Variants in OCA2 observed in about 807,000 individuals in gnomAD.
OCA2 encodes P protein.
A neutral mutation model predicts 100.2 loss-of-function variants in OCA2; 77 were observed. The observed-to-expected ratio is 0.77, with a 90% confidence interval of 0.64 to 0.93. The LOEUF is 0.93. OCA2 is among the 40% of genes least tolerant of loss of function. OCA2 has a pLI of 0.00. For missense variants in OCA2, 1,062 were observed against 1,089.1 expected, an observed-to-expected ratio of 0.98 and a Z score of 0.35; for synonymous variants, 432 against 439.2, an observed-to-expected ratio of 0.98 and a Z score of 0.21.
chr15:27,943,408 C>A (rs1426312957), intron 18 of OCA2, among the ~76,000 whole-genome samples: 1 of 152,100 alleles, frequency 6.6e-6, no homozygotes, highest in Non-Finnish European at 1.5e-5. Flanking sequence ...GTATTTTACC[C>A]CAAAATACGC....
chr15:27,868,437 G>A (rs936886733), intron 21 of OCA2, among the ~76,000 whole-genome samples: 10 of 152,170 alleles, frequency 6.6e-5, no homozygotes, highest in African/African-American at 1.9e-4. Context: ...GAACGCAGAC[G>A]GCATTATGCT....
chr15:27,956,211 G>A (rs1204899779), intron 16 of OCA2, among the ~76,000 whole-genome samples: 11 of 151,946 alleles, frequency 7.2e-5, no homozygotes, highest in African/African-American at 2.4e-5. Context: ...TAGCCAGGAG[G>A]GTTGGTACAT....
chr15:28,005,037 CTG>C (rs2042049366), intron 9 of OCA2, among the ~76,000 whole-genome samples: 1 of 152,158 alleles, frequency 6.6e-6, no homozygotes, highest in African/African-American at 2.4e-5. Flanking sequence ...GTGACAGAAA[CTG>C]TGTGCCGGCC....
rs1404927443 is a variant in OCA2, at chr15:28,027,876, C to A, written c.510G>T (p.Lys170Asn). The A allele has an allele frequency of 6.2e-7, 1 of 1,612,854 alleles. No individual in the cohort carries two copies. ...GGCACCCCAAGTCCGCCTACCTCAGCTTGGAAAGACGGAGTCGGATGTGCG... is the reference window on the plus strand; with the variant it reads ...GGCACCCCAAGTCCGCCTACCTCAGATTGGAAAGACGGAGTCGGATGTGCG... ...DSPHIRLRLS[K>N]LRRCVQWLKV... The change falls in exon 4 of 24, where the codon AAG becomes AAT. Residue 170 changes from lysine (K) to asparagine (N), a missense_variant. Transcript: ENST00000354638.
chr15:27,746,923 C>T, the OCA2 span, among the ~76,000 whole-genome samples: 85 of 152,330 alleles, frequency 5.6e-4, no homozygotes, highest in African/African-American at 2.0e-3. Context: ...GCTCATGCTA[C>T]AGACCTCCTG....
intron 23 of OCA2, among the ~76,000 whole-genome samples, chr15:27,768,325 T>C (rs2151020505): frequency 6.6e-6 from 1 of 152,306 alleles, no homozygotes; most frequent in South Asian, 2.1e-4. Context: ...TGCAAAATTA[T>C]CAGGTCCAGA....
chr15:27,844,367 G>A (rs763875291), intron 23 of OCA2, among the ~76,000 whole-genome samples: 3 of 152,230 alleles, frequency 2.0e-5, no homozygotes, highest in Non-Finnish European at 4.4e-5. Context: ...TTCGTGGACA[G>A]TCAGGGCACA....
chr15:27,910,838 C>T (rs771245940), intron 19 of OCA2, among the ~76,000 whole-genome samples: 7 of 151,950 alleles, frequency 4.6e-5, no homozygotes, highest in Admixed American at 2.6e-4. Context: ...CATCTGTAGT[C>T]CCAGCTACTC....
Position 27,847,145 on chromosome 15 carries a change from G to A in OCA2, c.2339-2093C>T, listed in dbSNP as rs146248863. On this transcript the variant is annotated intron_variant, in intron 22 of 23. Transcript: ENST00000354638. Reference sequence around the variant, plus strand: ...GCCTTCTCACAGACTCATAGCCTGGGAGGCAGGACATCAACTCGTTAAGTC... The same window carrying A: ...GCCTTCTCACAGACTCATAGCCTGGAAGGCAGGACATCAACTCGTTAAGTC... Among the ~76,000 whole-genome samples, 490 of 152,326 alleles carry A rather than the reference G, an allele frequency of 3.2e-3. 2 individuals carry two copies. The highest frequency in any genetic ancestry group is 0.011 in the African/African-American group (473 of 41,566).
intron 18 of OCA2, chr15:27,950,566 T>C: frequency 1.9e-6 from 1 of 517,498 alleles, no homozygotes. Flanking sequence ...CCAGGCCACC[T>C]GGCAAGTTGG....
chr15:27,780,259 T>C (rs1302053048), intron 23 of OCA2, among the ~76,000 whole-genome samples: 1 of 152,208 alleles, frequency 6.6e-6, no homozygotes, highest in Admixed American at 6.5e-5. Flanking sequence ...CTGTCCAGAC[T>C]GATCTGTCCT....
intron 18 of OCA2, among the ~76,000 whole-genome samples, chr15:27,942,512 G>A (rs908252387): frequency 4.6e-5 from 7 of 151,986 alleles, no homozygotes; most frequent in Non-Finnish European, 8.8e-5. Context: ...GGAAAGGGGG[G>A]AAGCAGTGTG....
At chr15:27,793,810 T>C (rs925287462) in intron 23 of OCA2, among the ~76,000 whole-genome samples, 1 of 152,188 alleles carries the variant, frequency 6.6e-6, no homozygotes, top group African/African-American at 2.4e-5. Flanking sequence ...GACAGAGCCT[T>C]TTCCTTATTC....
Position 27,856,605 on chromosome 15 carries a change from C to G in OCA2, c.2245-5130G>C, listed in dbSNP as rs560010261. Among the ~76,000 whole-genome samples, 5 of 152,112 alleles carry G rather than the reference C, an allele frequency of 3.3e-5. No homozygotes were observed. In the South Asian group the frequency reaches 1.0e-3, roughly 32 times the overall value. On this transcript the variant is annotated intron_variant, in intron 21 of 23. Coordinates refer to ENST00000354638, the MANE Select transcript of OCA2 (RefSeq NM_000275.3). Reference sequence around the variant, plus strand: ...GATCACTGAGGGGCCAGCACAGAGGCTGGCCATTGTTTCAACCTCCAAGTG... The same window carrying G: ...GATCACTGAGGGGCCAGCACAGAGGGTGGCCATTGTTTCAACCTCCAAGTG...
intron 19 of OCA2, chr15:27,896,462 C>T: frequency 1.6e-6 from 1 of 616,440 alleles, no homozygotes; most frequent in Non-Finnish European, 2.9e-6. Flanking sequence ...AGAAGAAGCC[C>T]AAGAAAAAAG....
chr15:27,754,179 A>G (rs144750334), downstream of OCA2, among the ~76,000 whole-genome samples: 4 of 152,332 alleles, frequency 2.6e-5, no homozygotes, highest in African/African-American at 9.6e-5. Context: ...GTTGCACGTC[A>G]GCTTTGCTGT....
chr15:27,737,498 G>A, the OCA2 span, among the ~76,000 whole-genome samples: 2 of 152,152 alleles, frequency 1.3e-5, no homozygotes, highest in Non-Finnish European at 2.9e-5. Flanking sequence ...AGACCAGAAA[G>A]AGAAGAGATA....
At chr15:27,811,184 T>C (rs2034060929) in intron 23 of OCA2, among the ~76,000 whole-genome samples, 1 of 118,292 alleles carries the variant, frequency 8.5e-6, no homozygotes, top group Non-Finnish European at 1.9e-5. Context: ...GAATACTACT[T>C]AGCCGTAAAA....
At chr15:27,833,904 A>G (rs1237780531) in intron 23 of OCA2, among the ~76,000 whole-genome samples, 1 of 152,198 alleles carries the variant, frequency 6.6e-6, no homozygotes. Context: ...CAAGCAACGC[A>G]GGCACCTCGA....
Sources: allele counts gnomAD v4.1 joint callset (sites outside exome capture counted in the v4.1 genomes callset), GRCh38; gene constraint gnomAD v4.1.1; transcripts MANE v1.5; gene names NCBI Gene and HGNC (gene_info 2026-07-23, HGNC 2026-07-21).